Variants in MRPS28 observed in about 807,000 individuals in gnomAD.
MRPS28 encodes the protein mitochondrial ribosomal protein S28.
A neutral mutation model predicts 10.8 loss-of-function variants in MRPS28; 7 were observed. The ratio of observed to expected loss-of-function variants is 0.65; its 90% CI spans 0.37 to 1.22. MRPS28 has a LOEUF of 1.22. MRPS28 is among the 50% of genes most tolerant of loss of function. The pLI is 0.02. For missense variants in MRPS28, 265 were observed against 232.9 expected (o/e 1.14, Z -0.90); for synonymous variants, 121 against 93.3 (o/e 1.30, Z -1.71).
intron 2 of MRPS28, among the ~76,000 whole-genome samples, chr8:79,969,889 T>C (rs1247061690): frequency 1.3e-5 from 2 of 152,204 alleles, no homozygotes; most frequent in Non-Finnish European, 2.9e-5. Flanking sequence ...TGAAACAAAA[T>C]ATAGTGAAAT....
chr8:79,921,358 T>C, intron 2 of MRPS28, among the ~76,000 whole-genome samples: 1 of 152,108 alleles, frequency 6.6e-6, no homozygotes, highest in Non-Finnish European at 1.5e-5. Context: ...GGGATGGCAT[T>C]GAATCTATAA....
At chr8:79,995,432 A>G (rs1808475501) in intron 2 of MRPS28, among the ~76,000 whole-genome samples, 1 of 152,174 alleles carries the variant, frequency 6.6e-6, no homozygotes, top group Non-Finnish European at 1.5e-5. Flanking sequence ...AATTGGTACC[A>G]TCTCAAGCAG....
At chr8:79,919,942 C>CCCCTCTG (rs1554567166) in intron 2 of MRPS28, among the ~76,000 whole-genome samples, 1 of 93,576 alleles carries the variant, frequency 1.1e-5, no homozygotes, top group African/African-American at 4.2e-5. Context: ...TGCTATCCCT[C>CCCCTCTG]CCCCCACCCC....
intron 2 of MRPS28, among the ~76,000 whole-genome samples, chr8:79,981,315 A>G (rs1296921511): frequency 6.6e-6 from 1 of 152,208 alleles, no homozygotes; most frequent in African/African-American, 2.4e-5. Context: ...ACACAGCGAC[A>G]CCCTGTCTTA....
At chr8:79,984,156 T>C (rs1808072722) in intron 2 of MRPS28, among the ~76,000 whole-genome samples, 2 of 152,080 alleles carry the variant, frequency 1.3e-5, no homozygotes, top group African/African-American at 4.8e-5. Flanking sequence ...AACCCAGAAG[T>C]TCATATCCAG....
intron 2 of MRPS28, among the ~76,000 whole-genome samples, chr8:79,955,225 G>A (rs757194861): frequency 3.3e-5 from 5 of 152,114 alleles, no homozygotes; most frequent in African/African-American, 4.8e-5. Context: ...TCTGCCATGC[G>A]GGGTGATGAT....
rs983098215 is a variant in MRPS28, at chr8:79,918,887, CTTCA to C, written c.*89_*92del. The C allele has an allele frequency of 3.6e-5, 38 of 1,058,466 alleles. No homozygotes were observed. The East Asian group carries it at 3.8e-4, about 11-fold the overall frequency. 65.6% of individuals were successfully genotyped at this position (1,058,466 alleles called of 1,614,324 possible). A position where few individuals can be genotyped will look rare whatever the true frequency, so the allele number is the denominator to read the frequency against. On this transcript the variant is annotated 3_prime_UTR_variant, in exon 3 of 3. Coordinates refer to ENST00000276585, the MANE Select transcript of MRPS28 (RefSeq NM_014018.3). ...TAATTATAGCTTTTATTTATTATATCTTCATTCAATCATTTATTCACAATTAGTC... is the reference window on the plus strand; with the variant it reads ...TAATTATAGCTTTTATTTATTATATCTTCAATCATTTATTCACAATTAGTC...
chr8:80,025,540 C>A (rs910106062), intron 1 of MRPS28, among the ~76,000 whole-genome samples: 1 of 152,116 alleles, frequency 6.6e-6, no homozygotes, highest in Admixed American at 6.5e-5. Context: ...ATAATTAAGG[C>A]CTTCCTACTT....
chr8:79,996,006 A>G (rs1808492739), intron 2 of MRPS28, among the ~76,000 whole-genome samples: 1 of 152,202 alleles, frequency 6.6e-6, no homozygotes, highest in Admixed American at 6.5e-5. Context: ...GTATATTTTT[A>G]TTATGATACA....
chr8:80,006,509 T>C (rs1172925057), intron 1 of MRPS28, among the ~76,000 whole-genome samples: 3 of 151,906 alleles, frequency 2.0e-5, no homozygotes, highest in African/African-American at 7.3e-5. Context: ...ATCAACAAAA[T>C]TGATAGACCG....
At chr8:79,989,730 G>A (rs1228617293) in intron 2 of MRPS28, among the ~76,000 whole-genome samples, 1 of 152,044 alleles carries the variant, frequency 6.6e-6, no homozygotes, top group Non-Finnish European at 1.5e-5. Flanking sequence ...TTTTGTTTTT[G>A]CTGATAAAGG....
intron 2 of MRPS28, among the ~76,000 whole-genome samples, chr8:79,960,001 C>T (rs765383425): frequency 1.3e-5 from 2 of 152,108 alleles, no homozygotes; most frequent in Non-Finnish European, 2.9e-5. Context: ...CAAATCCTGA[C>T]AACATCCTGT....
rs1299874556 is a variant in MRPS28, at chr8:80,003,124, T to C, written c.270A>G (p.Thr90=). The C allele has an allele frequency of 6.2e-7, 1 of 1,610,698 alleles. No individual in the cohort carries two copies. Among genetic ancestry groups the C allele is most frequent in the Non-Finnish European group, 8.5e-7 (1 of 1,179,234 alleles). Reference sequence around the variant, plus strand: ...GTTTATCCTTTGCAGGTCCCATCTGTGTAAGAGGAGAATGTCTCAGCATAG... The same window carrying C: ...GTTTATCCTTTGCAGGTCCCATCTGCGTAAGAGGAGAATGTCTCAGCATAG... The part of the protein sequence containing the change: ...FASMLRHSPL[T]QMGPAKDKLV... The change falls in exon 2 of 3, where the codon ACA becomes ACG. Residue 90 remains threonine, a synonymous_variant. Transcript: ENST00000276585.
intron 2 of MRPS28, among the ~76,000 whole-genome samples, chr8:79,994,439 C>G (rs1460763919): frequency 1.3e-5 from 2 of 152,128 alleles, no homozygotes; most frequent in Non-Finnish European, 2.9e-5. Flanking sequence ...CTCTACCTCC[C>G]CAACACAACC....
intron 2 of MRPS28, among the ~76,000 whole-genome samples, chr8:79,973,850 AAAAG>A (rs1554571873): frequency 2.6e-5 from 4 of 151,630 alleles, no homozygotes; most frequent in Non-Finnish European, 4.4e-5. Context: ...AAAAAAAAAA[AAAAG>A]AAAGAAAGAA....
chr8:80,002,949 T>C (rs771601258), intron 2 of MRPS28, 50 bp downstream of exon 2: 2 of 1,410,954 alleles, frequency 1.4e-6, no homozygotes, highest in Non-Finnish European at 1.9e-6. Context: ...TTTTGCGCTA[T>C]CCCAACTTTT....
At chr8:79,925,317 A>G (rs921580025) in intron 2 of MRPS28, among the ~76,000 whole-genome samples, 1 of 152,198 alleles carries the variant, frequency 6.6e-6, no homozygotes, top group Non-Finnish European at 1.5e-5. Flanking sequence ...AATAATATGT[A>G]TAACTGGCCC....
intron 2 of MRPS28, among the ~76,000 whole-genome samples, chr8:79,921,678 T>C (rs1239627260): frequency 1.3e-5 from 2 of 152,174 alleles, no homozygotes; most frequent in African/African-American, 2.4e-5. Flanking sequence ...TAAGGAGATT[T>C]TGGGCTGAGA....
intron 1 of MRPS28, among the ~76,000 whole-genome samples, chr8:80,008,386 C>G (rs1220530200): frequency 1.3e-5 from 2 of 152,082 alleles, no homozygotes; most frequent in African/African-American, 4.8e-5. Context: ...GTCTAAAACA[C>G]CAAAAGCAAT....
Sources: allele counts gnomAD v4.1 joint callset (sites outside exome capture counted in the v4.1 genomes callset), GRCh38; gene constraint gnomAD v4.1.1; transcripts MANE v1.5; gene names NCBI Gene and HGNC (gene_info 2026-07-23, HGNC 2026-07-21).